SGTB: variants seen among roughly 807,000 people sequenced by gnomAD.
SGTB encodes small glutamine-rich tetratricopeptide repeat-containing protein beta.
Under a neutral mutation model 43.9 loss-of-function variants are expected in SGTB, and 19 were observed. The ratio of observed to expected loss-of-function variants is 0.43; its 90% CI spans 0.30 to 0.63. The LOEUF is 0.63. SGTB is among the 30% of genes least tolerant of loss of function. The pLI is 0.12. For synonymous variants in SGTB, 116 were observed against 117.3 expected (o/e 0.99, Z 0.07); for missense variants, 304 against 358.9 (o/e 0.85, Z 1.24).
chr5:65,680,783 G>C lies in SGTB; in HGVS notation c.491C>G (p.Thr164Ser), dbSNP rs1031549810. 1.9e-5 allele frequency: 30 copies of C among 1,613,232 alleles called. No homozygotes were observed. Among genetic ancestry groups the C allele is most frequent in the Non-Finnish European group, 2.5e-5 (30 of 1,179,930 alleles). Residue 164 changes from threonine (T) to serine (S), a missense_variant, in exon 7 of 11, where the codon ACT becomes AGT. By Grantham distance (58) the Thr-to-Ser change is moderately conservative. Transcript: ENST00000381007. Reference sequence around the variant, plus strand: ...TGCTTCTTCAAATTTATTCAAGGCAGTGAGGGCCAGCCTGAAGGGAATAGA... The same window carrying C: ...TGCTTCTTCAAATTTATTCAAGGCACTGAGGGCCAGCCTGAAGGGAATAGA... ...KAYGRMGLALTALNKFEEAVT... is the reference protein window; with the variant it reads ...KAYGRMGLALSALNKFEEAVT...
At position 65,666,632 on chromosome 5, in the gene SGTB, T is replaced by C. The variant is rs1269952569; in HGVS notation, c.*3614A>G. The C allele has an allele frequency of 6.6e-6, 1 of 152,216 alleles. No homozygotes were observed. The highest frequency in any genetic ancestry group is 2.4e-5 in the African/African-American group (1 of 41,472). The allele number at this position is 152,216 out of a possible 1,614,324, so 9.4% of individuals were successfully genotyped here. A position where few individuals can be genotyped will look rare whatever the true frequency, so the allele number is the denominator to read the frequency against. ...CTAGCACAATCCAACCACGCAACTT[T>C]TTTTGAAATAGCTTGCAATGCTATG... On this transcript the variant is annotated 3_prime_UTR_variant, in exon 11 of 11. Coordinates refer to ENST00000381007, the MANE Select transcript of SGTB (RefSeq NM_019072.3).
At chr5:65,672,588 T>C (rs1757180301) in intron 8 of SGTB, among the ~76,000 whole-genome samples, 1 of 152,144 alleles carries the variant, frequency 6.6e-6, no homozygotes, top group South Asian at 2.1e-4. Context: ...ACTTTAAAAG[T>C]ATGGTTAAGG....
At chr5:65,673,854 C>A (rs746547372) in intron 8 of SGTB, among the ~76,000 whole-genome samples, 1 of 152,082 alleles carries the variant, frequency 6.6e-6, no homozygotes, top group Admixed American at 6.6e-5. Flanking sequence ...CGGGGTTTCG[C>A]CAGGTTGGCC....
intron 5 of SGTB, among the ~76,000 whole-genome samples, chr5:65,699,039 C>T (rs111867092): frequency 6.6e-6 from 1 of 151,724 alleles, no homozygotes; most frequent in Non-Finnish European, 1.5e-5. Context: ...GGGTACCCAC[C>T]CAAAGAAAAA....
At chr5:65,700,073 C>A (rs1403670934) in intron 5 of SGTB, among the ~76,000 whole-genome samples, 1 of 152,074 alleles carries the variant, frequency 6.6e-6, no homozygotes, top group East Asian at 1.9e-4. Flanking sequence ...ATACCAAAAG[C>A]AAAATATGAA....
At chr5:65,705,721 T>TG (rs1303893571) in intron 4 of SGTB, among the ~76,000 whole-genome samples, 3 of 152,048 alleles carry the variant, frequency 2.0e-5, no homozygotes, top group African/African-American at 4.8e-5. Flanking sequence ...GGTTTTTGTT[T>TG]GGGGGGTTAT....
intron 2 of SGTB, among the ~76,000 whole-genome samples, chr5:65,718,340 C>T (rs762054770): frequency 1.3e-5 from 2 of 152,282 alleles, no homozygotes; most frequent in Middle Eastern, 3.4e-3. Flanking sequence ...ATTGCAAAAT[C>T]ACCCCCAAGT....
chr5:65,701,686 GC>G (rs1294279163), intron 5 of SGTB, among the ~76,000 whole-genome samples: 3 of 145,448 alleles, frequency 2.1e-5, no homozygotes, highest in African/African-American at 5.1e-5. Context: ...AGGCTGGAGT[GC>G]AGTGGCGCCA....
At chr5:65,680,358 A>G (rs1172041140) in intron 8 of SGTB, 136 bp downstream of exon 8, 5 of 819,844 alleles carry the variant, frequency 6.1e-6, no homozygotes, top group African/African-American at 5.3e-5. Flanking sequence ...AAAAAAACAG[A>G]ACCCTGCTAT....
chr5:65,676,099 A>G (rs1228240875), intron 8 of SGTB, among the ~76,000 whole-genome samples: 3 of 152,234 alleles, frequency 2.0e-5, no homozygotes, highest in Non-Finnish European at 4.4e-5. Flanking sequence ...GACCCACTAT[A>G]CATACAAAGA....
chr5:65,700,844 T>C (rs1757801222), intron 5 of SGTB, among the ~76,000 whole-genome samples: 1 of 150,954 alleles, frequency 6.6e-6, no homozygotes, highest in South Asian at 2.1e-4. Context: ...ACCCCATCTC[T>C]ACTAAAAATA....
intron 5 of SGTB, among the ~76,000 whole-genome samples, chr5:65,694,625 A>G (rs1757683901): frequency 6.6e-6 from 1 of 151,810 alleles, no homozygotes. Flanking sequence ...ACAGGTGCGC[A>G]CCACCACACC....
intron 6 of SGTB, among the ~76,000 whole-genome samples, chr5:65,682,786 G>A (rs575757789): frequency 1.3e-5 from 2 of 152,094 alleles, no homozygotes; most frequent in East Asian, 1.9e-4. Flanking sequence ...ATATGAGTAC[G>A]GAGTTCAAAC....
chr5:65,693,315 AAGAG>A (rs776631711), intron 5 of SGTB, among the ~76,000 whole-genome samples: 1 of 150,442 alleles, frequency 6.6e-6, no homozygotes, highest in South Asian at 2.1e-4. Context: ...TCAAGAAGGA[AAGAG>A]AGAAAGAAAG....
upstream of SGTB, chr5:65,722,262 C>G (rs1025870501): frequency 7.9e-5 from 58 of 736,262 alleles, no homozygotes; most frequent in Non-Finnish European, 1.1e-4. Context: ...GCCACTGTGG[C>G]CTCTGCGGCT....
intron 5 of SGTB, 66 bp from the exon 6 acceptor site, chr5:65,685,538 AC>A: frequency 7.9e-7 from 1 of 1,270,634 alleles, no homozygotes; most frequent in Admixed American, 1.8e-5. Flanking sequence ...ATTTTCAGGT[AC>A]TAATAATACT....
At chr5:65,685,009 C>G (rs1757472319) in intron 6 of SGTB, among the ~76,000 whole-genome samples, 1 of 152,054 alleles carries the variant, frequency 6.6e-6, no homozygotes, top group South Asian at 2.1e-4. Flanking sequence ...TGAGAGTCAC[C>G]AGAGAGGGGG....
intron 5 of SGTB, among the ~76,000 whole-genome samples, chr5:65,702,672 A>C (rs1757847033): frequency 6.6e-6 from 1 of 152,202 alleles, no homozygotes; most frequent in East Asian, 1.9e-4. Flanking sequence ...TCATAACCTA[A>C]TCACCTTCCA....
chr5:65,692,367 A>C (rs957887908), intron 5 of SGTB, among the ~76,000 whole-genome samples: 1 of 152,232 alleles, frequency 6.6e-6, no homozygotes, highest in African/African-American at 2.4e-5. Context: ...AAAAGGAACA[A>C]TAGATCTGGT....
Sources: allele counts gnomAD v4.1 joint callset (sites outside exome capture counted in the v4.1 genomes callset), GRCh38; gene constraint gnomAD v4.1.1; transcripts MANE v1.5; gene names NCBI Gene and HGNC (gene_info 2026-07-23, HGNC 2026-07-21).